Variants in GNPTG observed in about 807,000 individuals in gnomAD.
GNPTG encodes N-acetylglucosamine-1-phosphate transferase subunit gamma.
GNPTG carries 46 observed loss-of-function variants against 43.8 expected under a neutral mutation model. The ratio of observed to expected loss-of-function variants is 1.05; its 90% CI spans 0.83 to 1.34. GNPTG has a LOEUF of 1.34. Among genes scored for constraint, GNPTG ranks in the 40% most tolerant of loss-of-function variants. The pLI is 0.00. For missense variants in GNPTG, 549 were observed against 411.3 expected (o/e 1.33, Z -2.90); for synonymous variants, 250 against 172.8 (o/e 1.45, Z -3.50).
At chr16:1,353,230 G>T (rs1488284477) in intron 3 of GNPTG, among the ~76,000 whole-genome samples, 3 of 152,174 alleles carry the variant, frequency 2.0e-5, no homozygotes, top group African/African-American at 7.2e-5. Context: ...GCCCATCTCG[G>T]CCTCCAAAAG....
At chr16:1,358,864 G>A (rs1276125533) in intron 3 of GNPTG, 1 of 46,016 alleles carries the variant, frequency 2.2e-5, no homozygotes, top group Non-Finnish European at 3.8e-5. Flanking sequence ...TATGGTGTTT[G>A]TCCTTTTTTT....
At position 1,362,077 on chromosome 16, in the gene GNPTG, G is replaced by T. The variant is rs758452962; in HGVS notation, c.357G>T (p.Thr119=). Residue 119 remains threonine, a synonymous_variant, in exon 6 of 11, where the codon ACG becomes ACT. Coordinates refer to ENST00000204679, the MANE Select transcript of GNPTG (RefSeq NM_032520.5). ...GGGAGATCGCCAACAACACCTTCACGGGCATGTGGATGAGGGACGGTGACG... is the reference window on the plus strand; with the variant it reads ...GGGAGATCGCCAACAACACCTTCACTGGCATGTGGATGAGGGACGGTGACG... The part of the protein sequence containing the change: ...HEWEIANNTF[T]GMWMRDGDAC... 4 of 1,612,200 alleles carry T rather than the reference G, an allele frequency of 2.5e-6. No individual in the cohort carries two copies. In the African/African-American group the frequency reaches 4.0e-5, roughly 16 times the overall value.
rs552248197 is a variant in GNPTG at position 1,362,638 on chromosome 16, T to C, written c.637T>C (p.Phe213Leu). The change falls in exon 9 of 11, where the codon TTT becomes CTT. Residue 213 changes from phenylalanine to leucine, a missense_variant. By Grantham distance (22) the Phe-to-Leu change is conservative (BLOSUM62 0). Transcript: ENST00000204679. Reference sequence around the variant, plus strand: ...CCATGAGAAGTTGCTGAGGACACTTTTTGAGGATGCTGGCTACTTAAAGAC... The same window carrying C: ...CCATGAGAAGTTGCTGAGGACACTTCTTGAGGATGCTGGCTACTTAAAGAC... ...QGHEKLLRTLFEDAGYLKTPE... is the reference protein window; with the variant it reads ...QGHEKLLRTLLEDAGYLKTPE... 1.7e-5 allele frequency: 28 copies of C among 1,613,974 alleles called. No individual in the cohort carries two copies. Among genetic ancestry groups the C allele is most frequent in the Non-Finnish European group, 2.3e-5 (27 of 1,180,026 alleles).
chr16:1,361,933 A>G lies in GNPTG; in HGVS notation c.295A>G (p.Asn99Asp), dbSNP rs143383133. 5.6e-5 allele frequency: 91 copies of G among 1,613,520 alleles called. No homozygotes were observed. The highest frequency in any genetic ancestry group is 7.5e-5 in the Non-Finnish European group (88 of 1,180,044). The part of the protein sequence containing the change: ...VTQHEQTFRW[N>D]AYSGILGIWH... ...CCAGCACGAGCAGACCTTCCGCTGG[A>G]ACGCCTACAGTGGGATCCTCGGGTG... The change falls in exon 5 of 11, where the codon AAC becomes GAC. Residue 99 changes from asparagine (N) to aspartate (D), a missense_variant. Asn to Asp is a conservative substitution (Grantham distance 23). Coordinates refer to ENST00000204679, the MANE Select transcript of GNPTG (RefSeq NM_032520.5).
Position 1,352,013 on chromosome 16 carries a change from C to A in GNPTG, c.48C>A (p.Ala16=). Residue 16 remains alanine, a synonymous_variant, in exon 1 of 11, where the codon GCC becomes GCA. Transcript: ENST00000204679. ...ARLLLLLGLS[A]GGPAPAGAAK... The stretch of plus-strand genomic sequence containing the variant: ...TCCTGTTGCTCCTCGGGCTCTCGGC[C>A]GGCGGTGAGTGGCCCGGCCGTCCGC... 1 of 1,465,574 alleles carries A rather than the reference C, an allele frequency of 6.8e-7. No homozygotes were observed. 90.8% of individuals were successfully genotyped at this position (1,465,574 alleles called of 1,614,324 possible).
intron 3 of GNPTG, chr16:1,357,905 C>G (rs925117618): frequency 6.6e-6 from 1 of 152,568 alleles, no homozygotes; most frequent in Non-Finnish European, 1.5e-5. Flanking sequence ...TGCTGCAGCG[C>G]AGGCCCTTCA....
chr16:1,355,956 C>T (rs1344830100), intron 3 of GNPTG, among the ~76,000 whole-genome samples: 3 of 150,616 alleles, frequency 2.0e-5, no homozygotes, highest in Non-Finnish European at 4.4e-5. Flanking sequence ...CCAGGGGGTG[C>T]GTGAGGCCGG....
intron 3 of GNPTG, chr16:1,352,512 C>T (rs2034702913): frequency 6.3e-6 from 4 of 632,722 alleles, no homozygotes; most frequent in Admixed American, 2.5e-5. Context: ...CCTTCCTTTC[C>T]TTTCCGAGAG....
chr16:1,357,680 AT>A, intron 3 of GNPTG: 1 of 153,722 alleles, frequency 6.5e-6, no homozygotes, highest in Non-Finnish European at 1.5e-5. Flanking sequence ...TGCCCGGCTA[AT>A]TTTTTGTGTT....
rs73487807 is a variant in GNPTG, at chr16:1,362,964, C to A, written c.824-33C>A. 5.6e-6 allele frequency: 9 copies of A among 1,613,854 alleles called. No homozygotes were observed. The South Asian group carries it at 8.8e-5, about 16-fold the overall frequency. On this transcript the variant is annotated intron_variant, in intron 10 of 10. Transcript: ENST00000204679. Reference sequence around the variant, plus strand: ...CCATCACACTCGCCACCTGTGGGTCCAGGTGAGGACTGGCCACCTGGTGTT... The same window carrying A: ...CCATCACACTCGCCACCTGTGGGTCAAGGTGAGGACTGGCCACCTGGTGTT...
At chr16:1,361,247 C>CT in intron 3 of GNPTG, 1 of 185,866 alleles carries the variant, frequency 5.4e-6, no homozygotes. Flanking sequence ...AGCCTTAACT[C>CT]TAATTTTTGA....
Position 1,363,544 on chromosome 16 carries a change from CAA to C in GNPTG, c.*454_*455del. The C allele has an allele frequency of 4.0e-6, 1 of 247,568 alleles. No homozygotes were observed. Among genetic ancestry groups the C allele is most frequent in the South Asian group, 4.1e-5 (1 of 24,554 alleles). The allele number at this position is 247,568 out of a possible 1,614,324, so 15.3% of individuals were successfully genotyped here. ...CACTAGAGTTACAGACGACAGGCAA[CAA>C]GAACATGCAGAGCCGGCCGCCAGCC... is the stretch of plus-strand genomic sequence containing the variant. On this transcript the variant is annotated 3_prime_UTR_variant, in exon 11 of 11. Transcript: ENST00000204679.
intron 3 of GNPTG, among the ~76,000 whole-genome samples, chr16:1,359,390 T>G (rs530671982): frequency 6.6e-6 from 1 of 152,254 alleles, no homozygotes; most frequent in African/African-American, 2.4e-5. Flanking sequence ...TGCCTCAGCC[T>G]CCCGAGTAGC....
rs8062558 is a variant in GNPTG at position 1,362,897 on chromosome 16, A to G, written c.814A>G (p.Arg272Gly). ...LLTQHGIPYT[R>G]PTETSNLEHL... is the part of the protein sequence containing the mutation. Reference sequence around the variant, plus strand: ...CACCCAGCACGGCATCCCCTACACGAGGCCCACAGGTGAGTCACCTGTGGG... The same window carrying G: ...CACCCAGCACGGCATCCCCTACACGGGGCCCACAGGTGAGTCACCTGTGGG... Residue 272 changes from arginine (R) to glycine (G), a missense_variant, in exon 10 of 11, where the codon AGG becomes GGG. Physicochemically the swap from Arg to Gly is moderately radical, Grantham distance 125. Coordinates refer to ENST00000204679, the MANE Select transcript of GNPTG (RefSeq NM_032520.5). The G allele has an allele frequency of 3.4e-4, 543 of 1,614,112 alleles. 2 individuals carry two copies. In the African/African-American group the frequency reaches 6.1e-3, roughly 18 times the overall value.
chr16:1,353,770 C>A lies in GNPTG; in HGVS notation c.178+1464C>A, dbSNP rs1244830115. ...AAACTCCCAGCGTCAAGCAATCCTC[C>A]TGTCTTGGTGGGGATTGCTTTAAAT... On this transcript the variant is annotated intron_variant, in intron 3 of 10. Transcript: ENST00000204679. Among the ~76,000 whole-genome samples the A allele has an allele frequency of 1.3e-5, 2 of 152,282 alleles. 1 individual carries two copies. Among genetic ancestry groups the A allele is most frequent in the South Asian group, 4.1e-4 (2 of 4,826 alleles).
chr16:1,357,439 GA>G (rs1437193872), intron 3 of GNPTG, among the ~76,000 whole-genome samples: 1 of 152,160 alleles, frequency 6.6e-6, no homozygotes, highest in Non-Finnish European at 1.5e-5. Context: ...GGGCTGGCCA[GA>G]TTCCCAGGGA....
chr16:1,357,468 C>T (rs886387459), intron 3 of GNPTG, among the ~76,000 whole-genome samples: 1 of 151,510 alleles, frequency 6.6e-6, no homozygotes, highest in Non-Finnish European at 1.5e-5. Flanking sequence ...CCCAGCACCT[C>T]GTGTGTATTT....
At position 1,361,369 on chromosome 16, in the gene GNPTG, G is replaced by C; in HGVS notation, c.179-374G>C. 1.0e-5 allele frequency: 3 copies of C among 288,910 alleles called. No individual in the cohort carries two copies. In the South Asian group the frequency reaches 1.0e-4, roughly 10 times the overall value. The allele number at this position is 288,910 out of a possible 1,614,324, so 17.9% of individuals were successfully genotyped here. A position where few individuals can be genotyped will look rare whatever the true frequency, so the allele number is the denominator to read the frequency against. ...TTGTTGAAAACTGGTCCTTGGCCGG[G>C]CGCGGTGGCTCAAACCTGTAATCCC... On this transcript the variant is annotated intron_variant, in intron 3 of 10. Coordinates refer to ENST00000204679, the MANE Select transcript of GNPTG (RefSeq NM_032520.5).
intron 3 of GNPTG, among the ~76,000 whole-genome samples, chr16:1,360,142 A>C (rs1282520661): frequency 6.6e-6 from 1 of 151,312 alleles, no homozygotes; most frequent in African/African-American, 2.4e-5. Flanking sequence ...GTCTCATGTC[A>C]GCTTTATGTA....
Sources: gnomAD v4.1 joint callset for allele counts (sites outside exome capture counted in the v4.1 genomes callset) on GRCh38, gnomAD v4.1.1 for gene constraint, MANE v1.5 for transcripts, NCBI Gene and HGNC (gene_info 2026-07-23, HGNC 2026-07-21) for gene names.